Variants in TRMT9B observed in about 807,000 individuals in gnomAD.
The protein encoded by TRMT9B is probable tRNA methyltransferase 9B.
A neutral mutation model predicts 11.5 loss-of-function variants in TRMT9B; 16 were observed. That is an observed-to-expected ratio of 1.39 (90% CI 0.94 to 2.11). TRMT9B has a LOEUF of 2.11. Ranked by LOEUF, TRMT9B falls within the 30% of genes most tolerant of loss-of-function variation. The pLI is 0.00. For synonymous variants in TRMT9B, 274 were observed against 192.4 expected, an observed-to-expected ratio of 1.42 and a Z score of -3.51; for missense variants, 941 against 553.8, an observed-to-expected ratio of 1.70 and a Z score of -7.02.
chr8:12,946,119 G>C (rs576489625), intron 1 of TRMT9B, among the ~76,000 whole-genome samples, 153 bp downstream of exon 1: 2 of 152,276 alleles, frequency 1.3e-5, no homozygotes, highest in South Asian at 4.2e-4. Flanking sequence ...GCTCAGCAAT[G>C]AATCTTTGTT....
At position 13,026,602 on chromosome 8, in the gene TRMT9B, C is replaced by T. The variant is rs1172961724; in HGVS notation, c.*4558C>T. On this transcript the variant is annotated 3_prime_UTR_variant, in exon 5 of 5. Transcript: ENST00000524591. ...CAACGTTCATTAATTTATATGCAGT[C>T]CTCACCACAGCCCTCCAAGATAACT... The T allele has an allele frequency of 6.0e-6, 1 of 167,088 alleles. No individual in the cohort carries two copies. Among genetic ancestry groups the T allele is most frequent in the African/African-American group, 2.4e-5 (1 of 41,444 alleles). 10.4% of individuals were successfully genotyped at this position (167,088 alleles called of 1,614,324 possible).
chr8:13,008,544 G>A (rs1051754607), intron 3 of TRMT9B, among the ~76,000 whole-genome samples: 4 of 152,056 alleles, frequency 2.6e-5, no homozygotes, highest in Non-Finnish European at 2.9e-5. Context: ...ATTTCAGCAG[G>A]TACATTAACT....
intron 1 of TRMT9B, among the ~76,000 whole-genome samples, chr8:12,987,685 C>A (rs1451134909): frequency 1.3e-4 from 6 of 45,596 alleles, no homozygotes; most frequent in Non-Finnish European, 3.1e-4. Context: ...GAATGAATAC[C>A]CTGTCTCAAA....
At chr8:13,001,594 A>C (rs899281276) in intron 2 of TRMT9B, among the ~76,000 whole-genome samples, 4 of 152,226 alleles carry the variant, frequency 2.6e-5, no homozygotes, top group Non-Finnish European at 5.9e-5. Context: ...ACATTTCCAC[A>C]GTGTCTTCTA....
At chr8:12,950,091 C>T (rs1476785168) in intron 1 of TRMT9B, among the ~76,000 whole-genome samples, 1 of 152,120 alleles carries the variant, frequency 6.6e-6, no homozygotes, top group African/African-American at 2.4e-5. Context: ...TGGCCTCAAG[C>T]GATCCTCCCA....
chr8:13,008,950 G>T (rs575085413), intron 3 of TRMT9B, among the ~76,000 whole-genome samples: 13 of 152,076 alleles, frequency 8.5e-5, no homozygotes, highest in African/African-American at 2.4e-4. Context: ...GGATGGTGTC[G>T]ATCTCCTGAC....
Position 12,958,903 on chromosome 8 carries a change from T to C in TRMT9B, c.-200+12937T>C, listed in dbSNP as rs1174505953. ...GGTGGGAATTGAACAATGAGAACAC[T>C]TGGACACAGGGCGGGGAACATCACA... On this transcript the variant is annotated intron_variant, in intron 1 of 4. Transcript: ENST00000524591. 3.3e-5 allele frequency: 5 copies of C among 152,170 alleles called. No homozygotes were observed. In the East Asian group the frequency reaches 5.8e-4, roughly 18 times the overall value. The allele number at this position is 152,170 out of a possible 1,614,324, so 9.4% of individuals were successfully genotyped here.
At chr8:12,955,675 T>C (rs1801205712) in intron 1 of TRMT9B, among the ~76,000 whole-genome samples, 1 of 152,234 alleles carries the variant, frequency 6.6e-6, no homozygotes, top group African/African-American at 2.4e-5. Context: ...TGCTCATTTC[T>C]ACCTTCTCTT....
chr8:12,945,788 T>C lies in TRMT9B; in HGVS notation c.-378T>C, dbSNP rs73204868. On this transcript the variant is annotated 5_prime_UTR_variant, in exon 1 of 5. Transcript: ENST00000524591. ...CTTTTTTCATTTTTTGTGTTTTTTG[T>C]TAGTTTGTTTTGAATTTTTTTTCTT... is the stretch of plus-strand genomic sequence containing the variant. 4.3e-3 allele frequency: 662 copies of C among 152,322 alleles called. 1 individual carries two copies. Among genetic ancestry groups the C allele is most frequent in the Non-Finnish European group, 7.5e-3 (509 of 68,038 alleles). The allele number at this position is 152,322 out of a possible 1,614,324, so 9.4% of individuals were successfully genotyped here. A position where few individuals can be genotyped will look rare whatever the true frequency, so the allele number is the denominator to read the frequency against.
chr8:12,949,198 C>A (rs981782797), intron 1 of TRMT9B, among the ~76,000 whole-genome samples: 2 of 151,680 alleles, frequency 1.3e-5, no homozygotes, highest in African/African-American at 4.8e-5. Flanking sequence ...ATTCTAAGAA[C>A]TCAAGTTAGG....
intron 1 of TRMT9B, among the ~76,000 whole-genome samples, chr8:12,961,087 G>C (rs1300430677): frequency 6.6e-6 from 1 of 152,118 alleles, no homozygotes; most frequent in Non-Finnish European, 1.5e-5. Flanking sequence ...GTTGCAGTGA[G>C]CCGAGATTGC....
At chr8:13,013,697 A>T (rs1466783546) in intron 4 of TRMT9B, among the ~76,000 whole-genome samples, 1 of 152,242 alleles carries the variant, frequency 6.6e-6, no homozygotes, top group Non-Finnish European at 1.5e-5. Context: ...TCATGCCTGT[A>T]ATCCCAACCC....
chr8:12,959,589 G>T (rs899371185), intron 1 of TRMT9B, among the ~76,000 whole-genome samples: 5 of 124,734 alleles, frequency 4.0e-5, no homozygotes, highest in South Asian at 2.7e-4. Flanking sequence ...GCACCATCAT[G>T]GCTCATTGGA....
chr8:13,022,350 AGT>A lies in TRMT9B; in HGVS notation c.*309_*310del, dbSNP rs562028188. The A allele has an allele frequency of 2.8e-5, 7 of 245,842 alleles. No individual in the cohort carries two copies. The South Asian group carries it at 9.9e-4, about 35-fold the overall frequency. 15.2% of individuals were successfully genotyped at this position (245,842 alleles called of 1,614,324 possible). On this transcript the variant is annotated 3_prime_UTR_variant, in exon 5 of 5. Transcript: ENST00000524591. ...CCCCAGAGAGATAAAATACATGTAT[AGT>A]GTTTTTCAGTATTACACATTGATTT...
intron 2 of TRMT9B, among the ~76,000 whole-genome samples, chr8:12,994,768 G>A (rs563778485): frequency 3.3e-5 from 5 of 152,230 alleles, no homozygotes; most frequent in African/African-American, 1.2e-4. Flanking sequence ...TGCAACCTCC[G>A]CCTTTCGGGT....
chr8:13,022,090 T>C lies in TRMT9B; in HGVS notation c.*46T>C. 1 of 1,395,068 alleles carries C rather than the reference T, an allele frequency of 7.2e-7. No homozygotes were observed. The highest frequency in any genetic ancestry group is 9.7e-7 in the Non-Finnish European group (1 of 1,031,012). 86.4% of individuals were successfully genotyped at this position (1,395,068 alleles called of 1,614,324 possible). On this transcript the variant is annotated 3_prime_UTR_variant, in exon 5 of 5. Coordinates refer to ENST00000524591, the MANE Select transcript of TRMT9B (RefSeq NM_020844.3). ...CCTCCAAAAGATGAACCACATTCTT[T>C]CCTCTTGGTTTGATATGGTTACCTG...
At chr8:12,953,216 T>G (rs908994728) in intron 1 of TRMT9B, among the ~76,000 whole-genome samples, 1 of 112,176 alleles carries the variant, frequency 8.9e-6, no homozygotes, top group African/African-American at 3.6e-5. Flanking sequence ...ATATCTATAT[T>G]GTTTTCAGGT....
At chr8:13,016,877 T>C (rs1052015719) in intron 4 of TRMT9B, among the ~76,000 whole-genome samples, 2 of 149,666 alleles carry the variant, frequency 1.3e-5, no homozygotes, top group African/African-American at 2.5e-5. Context: ...TAAAGAATTA[T>C]ACACTTTGGG....
chr8:12,973,565 G>A (rs1419222981), intron 1 of TRMT9B, among the ~76,000 whole-genome samples: 1 of 152,208 alleles, frequency 6.6e-6, no homozygotes, highest in Non-Finnish European at 1.5e-5. Flanking sequence ...CCTTGGACTA[G>A]ATGTGGGCCA....
Sources: gnomAD v4.1 joint callset for allele counts (sites outside exome capture counted in the v4.1 genomes callset) on GRCh38, gnomAD v4.1.1 for gene constraint, MANE v1.5 for transcripts, NCBI Gene and HGNC (gene_info 2026-07-23, HGNC 2026-07-21) for gene names.